EYS: variants seen among roughly 807,000 people sequenced by gnomAD.
EYS encodes the protein EGF-like photoreceptor maintenance factor, also known as protein eyes shut homolog.
EYS carries 250 observed loss-of-function variants against 282.1 expected under a neutral mutation model. The ratio of observed to expected loss-of-function variants is 0.89; its 90% CI spans 0.80 to 0.98. The LOEUF (loss-of-function observed/expected upper bound fraction) is 0.98, where lower values mean the gene tolerates loss of function less well. EYS is among the 50% of genes least tolerant of loss of function. The probability of loss-of-function intolerance (pLI) is 0.00; values close to 1 mark genes in which losing one functional copy is unlikely to be tolerated. For missense variants in EYS, 4,016 were observed against 3,709.0 expected, an observed-to-expected ratio of 1.08 and a Z score of -2.15; for synonymous variants, 1,355 against 1,282.9, an observed-to-expected ratio of 1.06 and a Z score of -1.20.
intron 35 of EYS, among the ~76,000 whole-genome samples, chr6:63,874,125 T>C (rs1044881318): frequency 6.6e-6 from 1 of 152,260 alleles, no homozygotes; most frequent in Non-Finnish European, 1.5e-5. Context: ...TTTATGGTTT[T>C]AGGCCTAACA....
At chr6:64,178,464 T>C (rs1349530351) in intron 31 of EYS, among the ~76,000 whole-genome samples, 2 of 152,060 alleles carry the variant, frequency 1.3e-5, no homozygotes, top group Non-Finnish European at 2.9e-5. Context: ...TGATCAATCA[T>C]TACATAGCAA....
intron 22 of EYS, among the ~76,000 whole-genome samples, chr6:64,629,401 T>C (rs1767710381): frequency 6.6e-6 from 1 of 152,100 alleles, no homozygotes; most frequent in African/African-American, 2.4e-5. Context: ...TCTTTATATA[T>C]ATTTTTAAAA....
chr6:64,191,778 G>A (rs994803101), intron 31 of EYS, among the ~76,000 whole-genome samples: 19 of 151,528 alleles, frequency 1.3e-4, no homozygotes, highest in African/African-American at 3.1e-4. Flanking sequence ...GAATAGTGCC[G>A]CAGTAAACAT....
intron 22 of EYS, among the ~76,000 whole-genome samples, chr6:64,652,857 T>C (rs562965900): frequency 2.7e-4 from 41 of 152,310 alleles, no homozygotes; most frequent in Non-Finnish European, 4.7e-4. Flanking sequence ...TCGTAAGAAC[T>C]ATGTATAAAA....
chr6:64,077,249 A>G (rs1771805842), intron 32 of EYS, among the ~76,000 whole-genome samples: 1 of 152,006 alleles, frequency 6.6e-6, no homozygotes, highest in Non-Finnish European at 1.5e-5. Context: ...CTTTTTCCTT[A>G]GAAGAGAAAA....
intron 22 of EYS, among the ~76,000 whole-genome samples, chr6:64,790,614 T>C (rs1445508046): frequency 6.6e-6 from 1 of 151,934 alleles, no homozygotes; most frequent in Admixed American, 6.6e-5. Context: ...GCAATAGAAC[T>C]TTCACTGTAG....
intron 5 of EYS, among the ~76,000 whole-genome samples, chr6:65,446,982 A>C (rs1315837210): frequency 6.6e-6 from 1 of 151,744 alleles, no homozygotes; most frequent in African/African-American, 2.4e-5. Flanking sequence ...GACTTCTCAC[A>C]TAACAGACAT....
intron 26 of EYS, among the ~76,000 whole-genome samples, chr6:64,561,521 T>C (rs1765393823): frequency 6.6e-6 from 1 of 152,024 alleles, no homozygotes; most frequent in East Asian, 1.9e-4. Flanking sequence ...AGCATTCCTG[T>C]ACACCAACAA....
chr6:65,435,457 C>T (rs1327442632), intron 5 of EYS, among the ~76,000 whole-genome samples: 1 of 151,540 alleles, frequency 6.6e-6, no homozygotes, highest in Non-Finnish European at 1.5e-5. Flanking sequence ...CTGATTATCA[C>T]AAAAACTTAA....
At chr6:63,854,504 G>A (rs374387784) in intron 36 of EYS, among the ~76,000 whole-genome samples, 1 of 151,958 alleles carries the variant, frequency 6.6e-6, no homozygotes, top group South Asian at 2.1e-4. Context: ...CCTAATGCAA[G>A]TGGGGCTTAA....
chr6:65,663,646 T>C (rs975547792), intron 1 of EYS, among the ~76,000 whole-genome samples: 2 of 152,146 alleles, frequency 1.3e-5, no homozygotes, highest in African/African-American at 4.8e-5. Flanking sequence ...GTTAAACTTA[T>C]GTAGATACAT....
At chr6:64,090,405 C>A (rs1772314771) in intron 31 of EYS, among the ~76,000 whole-genome samples, 1 of 152,078 alleles carries the variant, frequency 6.6e-6, no homozygotes, top group South Asian at 2.1e-4. Context: ...CATATTTAAA[C>A]CCATTTTATT....
chr6:65,386,888 G>A (rs1765822870), intron 7 of EYS, among the ~76,000 whole-genome samples: 1 of 151,712 alleles, frequency 6.6e-6, no homozygotes, highest in Admixed American at 6.6e-5. Flanking sequence ...TTAGGGTAAG[G>A]GTAACCTCAG....
intron 8 of EYS, among the ~76,000 whole-genome samples, chr6:65,355,923 T>A (rs2150329330): frequency 6.6e-6 from 1 of 152,176 alleles, no homozygotes; most frequent in Non-Finnish European, 1.5e-5. Flanking sequence ...GTATGGGAAT[T>A]TCTCAGAGAA....
intron 33 of EYS, among the ~76,000 whole-genome samples, chr6:64,064,429 T>G (rs1011251684): frequency 6.6e-6 from 1 of 152,196 alleles, no homozygotes; most frequent in Non-Finnish European, 1.5e-5. Context: ...ATTAATGATA[T>G]ATAATATGTA....
At chr6:64,585,187 G>A (rs1356086509) in intron 26 of EYS, among the ~76,000 whole-genome samples, 3 of 152,000 alleles carry the variant, frequency 2.0e-5, no homozygotes, top group Non-Finnish European at 4.4e-5. Context: ...TACAGATTGA[G>A]GCCCTTATCC....
chr6:65,543,236 CAGGA>C (rs1768242665), intron 2 of EYS, among the ~76,000 whole-genome samples: 1 of 150,746 alleles, frequency 6.6e-6, no homozygotes, highest in African/African-American at 2.4e-5. Flanking sequence ...CCAGGCTGGT[CAGGA>C]TGAACAACCT....
chr6:64,598,424 G>A (rs1468617302), intron 24 of EYS, among the ~76,000 whole-genome samples: 1 of 152,212 alleles, frequency 6.6e-6, no homozygotes, highest in East Asian at 1.9e-4. Flanking sequence ...TTGCGCCACT[G>A]CACTCCAGGC....
chr6:65,503,623 G>T (rs1766540722), intron 2 of EYS, among the ~76,000 whole-genome samples: 1 of 151,600 alleles, frequency 6.6e-6, no homozygotes, highest in African/African-American at 2.4e-5. Flanking sequence ...TCAAATTTTT[G>T]TGAAGAGTGT....
Sources: allele counts gnomAD v4.1 joint callset (sites outside exome capture counted in the v4.1 genomes callset), GRCh38; gene constraint gnomAD v4.1.1; transcripts MANE v1.5; gene names NCBI Gene and HGNC (gene_info 2026-07-23, HGNC 2026-07-21).